TSNARE1: variants seen among roughly 807,000 people sequenced by gnomAD.
TSNARE1 encodes t-SNARE domain-containing protein 1.
In TSNARE1, 49 loss-of-function variants were observed where a neutral mutation model predicts 62.0. The ratio of observed to expected loss-of-function variants is 0.79; its 90% confidence interval spans 0.63 to 1.00. The LOEUF (loss-of-function observed/expected upper bound fraction) is 1.00. TSNARE1 is among the 50% of genes least tolerant of loss of function. The pLI, the probability that TSNARE1 is intolerant of heterozygous loss-of-function variation, is 0.00. For missense variants in TSNARE1, 755 were observed against 700.1 expected (o/e 1.08, Z -0.88); for synonymous variants, 328 against 294.4 (o/e 1.11, Z -1.17).
intron 1 of TSNARE1, among the ~76,000 whole-genome samples, chr8:142,398,242 C>T (rs1426943962): frequency 6.6e-6 from 1 of 151,364 alleles, no homozygotes; most frequent in Non-Finnish European, 1.5e-5. Context: ...CCTCCCAAAG[C>T]GCACCCCCAG....
At chr8:142,322,352 T>A (rs1034763460) in intron 6 of TSNARE1, among the ~76,000 whole-genome samples, 1 of 152,200 alleles carries the variant, frequency 6.6e-6, no homozygotes, top group Middle Eastern at 3.2e-3. Context: ...TGCTTCCCCG[T>A]AAGATGGGGA....
At chr8:142,245,719 G>A (rs539581024) in intron 12 of TSNARE1, among the ~76,000 whole-genome samples, 4 of 152,284 alleles carry the variant, frequency 2.6e-5, no homozygotes, top group Admixed American at 2.6e-4. Context: ...TAACAGACAC[G>A]CAATTTGGGG....
intron 12 of TSNARE1, among the ~76,000 whole-genome samples, chr8:142,260,673 G>C (rs1818814973): frequency 6.6e-6 from 1 of 152,016 alleles, no homozygotes; most frequent in Non-Finnish European, 1.5e-5. Context: ...GCAGTCGGCT[G>C]AGTCCCCCGG....
chr8:142,310,430 G>A (rs886974799), intron 9 of TSNARE1, among the ~76,000 whole-genome samples: 3 of 151,338 alleles, frequency 2.0e-5, no homozygotes, highest in East Asian at 1.9e-4. Context: ...CCTGGGCGCA[G>A]CCACATCAAC....
At chr8:142,332,821 G>A (rs1831244854) in intron 4 of TSNARE1, among the ~76,000 whole-genome samples, 1 of 152,108 alleles carries the variant, frequency 6.6e-6, no homozygotes, top group African/African-American at 2.4e-5. Context: ...GCAGTCCCAG[G>A]GTTTACACAG....
At chr8:142,385,325 G>A (rs1042617417) in intron 1 of TSNARE1, among the ~76,000 whole-genome samples, 1 of 152,074 alleles carries the variant, frequency 6.6e-6, no homozygotes, top group Non-Finnish European at 1.5e-5. Context: ...CAGCACTTAG[G>A]GACTGTTCCC....
chr8:142,215,916 G>A (rs1280988236), intron 13 of TSNARE1, among the ~76,000 whole-genome samples: 1 of 152,232 alleles, frequency 6.6e-6, no homozygotes, highest in African/African-American at 2.4e-5. Flanking sequence ...GCTTTGTGGT[G>A]CCATGGAATT....
chr8:142,278,824 A>G, intron 11 of TSNARE1: 1 of 984,344 alleles, frequency 1.0e-6, no homozygotes, highest in Non-Finnish European at 1.2e-6. Context: ...AGGGGCCTGC[A>G]GAAGGAGGGG....
At chr8:142,287,555 A>G (rs1277551894) in intron 10 of TSNARE1, among the ~76,000 whole-genome samples, 1 of 124,562 alleles carries the variant, frequency 8.0e-6, no homozygotes, top group East Asian at 2.5e-4. Context: ...TCCCTCCAGG[A>G]TGTGGAACCC....
intron 2 of TSNARE1, among the ~76,000 whole-genome samples, chr8:142,353,501 G>A (rs1177555382): frequency 4.6e-5 from 7 of 152,154 alleles, no homozygotes; most frequent in Non-Finnish European, 1.0e-4. Flanking sequence ...GATGAGGAGG[G>A]GCACTTGGTG....
intron 12 of TSNARE1, chr8:142,269,521 G>T (rs1194258798): frequency 1.0e-6 from 1 of 984,938 alleles, no homozygotes; most frequent in African/African-American, 1.7e-5. Flanking sequence ...TAGAAGCAAG[G>T]TTTTGCTATG....
At chr8:142,400,884 G>C (rs1838239539) in intron 1 of TSNARE1, among the ~76,000 whole-genome samples, 1 of 152,200 alleles carries the variant, frequency 6.6e-6, no homozygotes, top group Non-Finnish European at 1.5e-5. Context: ...CCTCCTCCCA[G>C]GGTGACTGTG....
Position 142,278,379 on chromosome 8 carries a change from G to A in TSNARE1, c.1364-3516C>T, listed in dbSNP as rs117695774. ...AGGCCAGCCCCTGCCTGTCCTGTGAGGCTGGGTCCTTCTGTCCACTCTGTG... is the reference window on the plus strand; with the variant it reads ...AGGCCAGCCCCTGCCTGTCCTGTGAAGCTGGGTCCTTCTGTCCACTCTGTG... On this transcript the variant is annotated intron_variant, in intron 11 of 13. Coordinates refer to ENST00000524325, the MANE Select transcript of TSNARE1 (RefSeq NM_145003.5). 4,117 of 985,478 alleles carry A rather than the reference G, an allele frequency of 4.2e-3. 12 individuals are homozygous for A. Among genetic ancestry groups the A allele is most frequent in the Non-Finnish European group, 4.5e-3 (3,726 of 829,934 alleles). The allele number at this position is 985,478 out of a possible 1,614,324, so 61.0% of individuals were successfully genotyped here.
chr8:142,395,971 C>A (rs1039186553), intron 1 of TSNARE1, among the ~76,000 whole-genome samples: 1 of 152,146 alleles, frequency 6.6e-6, no homozygotes, highest in Non-Finnish European at 1.5e-5. Context: ...GCCAAGGTGG[C>A]CCGCTCTGTC....
chr8:142,233,182 C>T (rs542460845), intron 12 of TSNARE1, among the ~76,000 whole-genome samples: 9 of 152,320 alleles, frequency 5.9e-5, no homozygotes, highest in South Asian at 4.1e-4. Flanking sequence ...CCTTCCTTAA[C>T]GAGGCGAGAT....
At chr8:142,283,787 G>A (rs62513100) in intron 11 of TSNARE1, among the ~76,000 whole-genome samples, 5,022 of 78,692 alleles carry the variant, frequency 0.064, 9 homozygotes, top group South Asian at 0.11. Context: ...GAACAGAGGC[G>A]GGGCCAGTGT....
chr8:142,223,946 G>GCACCAGCCCTGTCTTGTAGCCT (rs137899858), intron 13 of TSNARE1, among the ~76,000 whole-genome samples: 1 of 151,854 alleles, frequency 6.6e-6, no homozygotes, highest in African/African-American at 2.4e-5. Context: ...GCCACCCAGG[G>GCACCAGCCCTGTCTTGTAGCCT]GAGGGCTTTC....
At chr8:142,296,431 G>A (rs1471399201) in intron 10 of TSNARE1, among the ~76,000 whole-genome samples, 2 of 146,090 alleles carry the variant, frequency 1.4e-5, no homozygotes, top group Non-Finnish European at 3.0e-5. Flanking sequence ...ACTGTCATGG[G>A]GGAGGGGCGG....
rs779234570 is a variant in TSNARE1 at position 142,344,082 on chromosome 8, C to A, written c.629G>T (p.Ser210Ile). 6.2e-7 allele frequency: 1 copy of A among 1,607,702 alleles called. No individual in the cohort carries two copies. Residue 210 changes from serine to isoleucine, a missense_variant, in exon 4 of 14, where the codon AGC becomes ATC. Ser to Ile is a moderately radical substitution (Grantham distance 142, BLOSUM62 -2). Coordinates refer to ENST00000524325, the MANE Select transcript of TSNARE1 (RefSeq NM_145003.5). ...GDLRKAAHGP[S>I]PGSGKPQALA... ...GGCCTGGGGCTTGCCGGAACCAGGG[C>A]TGGGGCCATGGGCCGCCTTCCGGAG...
Sources: allele counts gnomAD v4.1 joint callset (sites outside exome capture counted in the v4.1 genomes callset), GRCh38; gene constraint gnomAD v4.1.1; transcripts MANE v1.5; gene names NCBI Gene and HGNC (gene_info 2026-07-23, HGNC 2026-07-21).